Variants in CDK6 observed in about 807,000 individuals in gnomAD.
The protein encoded by CDK6 is cyclin-dependent kinase 6.
CDK6 carries 6 observed loss-of-function variants against 37.1 expected under a neutral mutation model. That is an observed-to-expected ratio of 0.16 (90% confidence interval 0.09 to 0.32). The LOEUF is 0.32. Among genes scored for constraint, CDK6 ranks in the 10% least tolerant of loss-of-function variants. The pLI is 1.00. For synonymous variants in CDK6, 160 were observed against 161.3 expected, an observed-to-expected ratio of 0.99 and a Z score of 0.06; for missense variants, 224 against 418.9, an observed-to-expected ratio of 0.53 and a Z score of 4.06.
At chr7:92,657,665 G>A (rs183688943) in intron 5 of CDK6, among the ~76,000 whole-genome samples, 1 of 152,110 alleles carries the variant, frequency 6.6e-6, no homozygotes, top group Admixed American at 6.6e-5. Context: ...TGTCTCTTAT[G>A]CATCAAACCA....
intron 5 of CDK6, among the ~76,000 whole-genome samples, chr7:92,654,066 T>G (rs1796635674): frequency 6.6e-6 from 1 of 152,212 alleles, no homozygotes; most frequent in Admixed American, 6.5e-5. Context: ...CAGTATTAAT[T>G]CTATGTTTTA....
At chr7:92,731,067 A>C (rs1798636020) in intron 3 of CDK6, among the ~76,000 whole-genome samples, 1 of 147,456 alleles carries the variant, frequency 6.8e-6, no homozygotes, top group Non-Finnish European at 1.5e-5. Flanking sequence ...GATTCCACCC[A>C]CTTTTGTCTG....
rs138252452 is a variant in CDK6, at chr7:92,767,476, T to G, written c.369+7220A>C. Among the ~76,000 whole-genome samples, 99 of 152,308 alleles carry G rather than the reference T, an allele frequency of 6.5e-4. 2 individuals are homozygous for G. The East Asian group carries it at 0.017, about 26-fold the overall frequency. On this transcript the variant is annotated intron_variant, in intron 3 of 7. Coordinates refer to ENST00000424848, the MANE Select transcript of CDK6 (RefSeq NM_001145306.2). ...GGTTACACTGAAGATTTTATTTCTC[T>G]CTACACTTTAGATCTGGGCTTCTGA...
chr7:92,660,004 G>A (rs1384347619), intron 5 of CDK6, among the ~76,000 whole-genome samples: 6 of 152,192 alleles, frequency 3.9e-5, no homozygotes, highest in Non-Finnish European at 5.9e-5. Flanking sequence ...TAAGAACTCT[G>A]AAGCACAGTT....
At chr7:92,672,160 T>TATATATATATACAC (rs1210519115) in intron 4 of CDK6, among the ~76,000 whole-genome samples, 15 of 79,088 alleles carry the variant, frequency 1.9e-4, no homozygotes, top group African/African-American at 8.2e-4. Context: ...TATATATATA[T>TATATATATATACAC]ACACATACAC....
At chr7:92,703,824 C>G (rs887974949) in intron 4 of CDK6, among the ~76,000 whole-genome samples, 1 of 152,170 alleles carries the variant, frequency 6.6e-6, no homozygotes, top group Non-Finnish European at 1.5e-5. Context: ...CAGCCTAACT[C>G]CTTTTCTAGT....
At chr7:92,767,783 C>A (rs1799618656) in intron 3 of CDK6, among the ~76,000 whole-genome samples, 2 of 151,876 alleles carry the variant, frequency 1.3e-5, no homozygotes, top group Non-Finnish European at 2.9e-5. Context: ...TGGGGAGGGG[C>A]AGTAAAGTTG....
rs542017969 is a variant in CDK6 at position 92,636,108 on chromosome 7, G to A, written c.648-13022C>T. Among the ~76,000 whole-genome samples, 28 of 152,050 alleles carry A rather than the reference G, an allele frequency of 1.8e-4. No homozygotes were observed. In the South Asian group the frequency reaches 5.6e-3, roughly 31 times the overall value. ...ATCTCATTCTGTTGCCCAGGCTGGGGTGCAGTGAAGTGATCTCAGCTTGCT... is the reference window on the plus strand; with the variant it reads ...ATCTCATTCTGTTGCCCAGGCTGGGATGCAGTGAAGTGATCTCAGCTTGCT... On this transcript the variant is annotated intron_variant, in intron 5 of 7. Transcript: ENST00000424848.
chr7:92,741,455 G>A (rs1010614191), intron 3 of CDK6, among the ~76,000 whole-genome samples: 5 of 152,100 alleles, frequency 3.3e-5, no homozygotes, highest in Non-Finnish European at 7.4e-5. Flanking sequence ...TTAACTGAAT[G>A]TCCTTATTTT....
intron 4 of CDK6, among the ~76,000 whole-genome samples, chr7:92,697,554 C>T (rs1043651086): frequency 2.0e-5 from 3 of 152,138 alleles, no homozygotes; most frequent in Non-Finnish European, 2.9e-5. Context: ...AGATACAATC[C>T]AAACCCAGGT....
At chr7:92,689,381 G>C (rs527604061) in intron 4 of CDK6, among the ~76,000 whole-genome samples, 3 of 152,206 alleles carry the variant, frequency 2.0e-5, no homozygotes, top group African/African-American at 7.2e-5. Context: ...GTTTGCTAAG[G>C]GTAATGGCCT....
intron 5 of CDK6, among the ~76,000 whole-genome samples, chr7:92,659,157 G>A (rs895046557): frequency 6.6e-6 from 1 of 152,170 alleles, no homozygotes; most frequent in African/African-American, 2.4e-5. Flanking sequence ...CCAATAAATG[G>A]CAAGTTGTCT....
At chr7:92,684,606 C>T (rs1733433483) in intron 4 of CDK6, among the ~76,000 whole-genome samples, 1 of 152,204 alleles carries the variant, frequency 6.6e-6, no homozygotes, top group South Asian at 2.1e-4. Context: ...TCCTCCCTAA[C>T]ATTTTCTCCT....
chr7:92,691,097 G>T lies in CDK6; in HGVS notation c.538-19562C>A, dbSNP rs567554528. 5.9e-5 allele frequency among the ~76,000 whole-genome samples: 9 copies of T among 152,278 alleles called. No homozygotes were observed. The South Asian group carries it at 1.9e-3, about 32-fold the overall frequency. On this transcript the variant is annotated intron_variant, in intron 4 of 7. Transcript: ENST00000424848. ...AATTACTTATACTTTCTGGCTGTCT[G>T]TACAGCAAATGAGAAGACATTTATT...
At chr7:92,791,016 T>C (rs1800268970) in intron 2 of CDK6, among the ~76,000 whole-genome samples, 1 of 152,112 alleles carries the variant, frequency 6.6e-6, no homozygotes, top group Non-Finnish European at 1.5e-5. Context: ...AGGGGAAGTG[T>C]GGTAAGACCA....
chr7:92,824,336 T>C (rs1289494224), intron 2 of CDK6, among the ~76,000 whole-genome samples: 1 of 151,992 alleles, frequency 6.6e-6, no homozygotes, highest in African/African-American at 2.4e-5. Flanking sequence ...AAATGAATAA[T>C]TCTCTTTGAG....
intron 6 of CDK6, among the ~76,000 whole-genome samples, 173 bp downstream of exon 6, chr7:92,622,863 A>T (rs775556657): frequency 4.6e-5 from 7 of 152,128 alleles, no homozygotes; most frequent in Non-Finnish European, 1.0e-4. Context: ...GGCTCTGCAT[A>T]AAACGGCACT....
intron 3 of CDK6, among the ~76,000 whole-genome samples, chr7:92,737,316 A>G (rs910377686): frequency 6.6e-6 from 1 of 152,226 alleles, no homozygotes; most frequent in African/African-American, 2.4e-5. Context: ...TCCTTAAAAT[A>G]TCTGTTGTTT....
chr7:92,767,309 C>A (rs1334810782), intron 3 of CDK6, among the ~76,000 whole-genome samples: 1 of 152,138 alleles, frequency 6.6e-6, no homozygotes, highest in African/African-American at 2.4e-5. Flanking sequence ...AAATGTTCTC[C>A]TTTAAGAAGT....
Sources: gnomAD v4.1 joint callset for allele counts (sites outside exome capture counted in the v4.1 genomes callset) on GRCh38, gnomAD v4.1.1 for gene constraint, MANE v1.5 for transcripts, NCBI Gene and HGNC (gene_info 2026-07-23, HGNC 2026-07-21) for gene names.